The following FAM117B variants were observed in gnomAD, a reference collection of about 807,000 sequenced individuals.
The protein encoded by FAM117B is family with sequence similarity 117 member B, also known as protein FAM117B.
In FAM117B, 22 loss-of-function variants were observed where a neutral mutation model predicts 52.8. The observed-to-expected ratio is 0.42, with a 90% CI of 0.30 to 0.59. The LOEUF (loss-of-function observed/expected upper bound fraction) is 0.59, where lower values mean the gene tolerates loss of function less well. Ranked by LOEUF, FAM117B falls within the 20% of genes least tolerant of loss-of-function variation. The pLI is 0.22. For missense variants in FAM117B, 678 were observed against 802.6 expected, an observed-to-expected ratio of 0.84 and a Z score of 1.88; for synonymous variants, 309 against 324.1, an observed-to-expected ratio of 0.95 and a Z score of 0.50.
intron 1 of FAM117B, among the ~76,000 whole-genome samples, chr2:202,662,169 C>G (rs543236172): frequency 3.8e-4 from 57 of 151,436 alleles, no homozygotes; most frequent in African/African-American, 1.3e-3. Context: ...TGTACGTGTA[C>G]AGACTGGTAG....
At chr2:202,655,149 A>G (rs1204127307) in intron 1 of FAM117B, among the ~76,000 whole-genome samples, 1 of 152,104 alleles carries the variant, frequency 6.6e-6, no homozygotes, top group Non-Finnish European at 1.5e-5. Context: ...TTCTAGCTTC[A>G]TTCACTTAGC....
intron 1 of FAM117B, among the ~76,000 whole-genome samples, chr2:202,694,430 A>C (rs187895342): frequency 2.0e-5 from 3 of 151,986 alleles, no homozygotes; most frequent in Admixed American, 1.3e-4. Context: ...ACCTCAGGTG[A>C]TCCTCCTACC....
At chr2:202,648,371 A>G (rs1574540197) in intron 1 of FAM117B, among the ~76,000 whole-genome samples, 2 of 151,980 alleles carry the variant, frequency 1.3e-5, no homozygotes, top group South Asian at 2.1e-4. Context: ...AAATTAGCCG[A>G]GTATAGCGGT....
At chr2:202,727,135 G>A (rs960729870) in intron 4 of FAM117B, among the ~76,000 whole-genome samples, 1 of 152,040 alleles carries the variant, frequency 6.6e-6, no homozygotes, top group African/African-American at 2.4e-5. Context: ...GGTCTTTTCA[G>A]GATCTTTCAA....
At chr2:202,709,957 A>G (rs1326286842) in intron 2 of FAM117B, among the ~76,000 whole-genome samples, 1 of 152,132 alleles carries the variant, frequency 6.6e-6, no homozygotes, top group African/African-American at 2.4e-5. Context: ...GGATTTATTT[A>G]TGGGCTGTCT....
At chr2:202,645,166 T>C (rs572859260) in intron 1 of FAM117B, among the ~76,000 whole-genome samples, 12 of 152,162 alleles carry the variant, frequency 7.9e-5, no homozygotes, top group Admixed American at 7.2e-4. Context: ...AAATAGAGAC[T>C]GAGTCTCGCT....
chr2:202,725,255 A>G, intron 3 of FAM117B: 1 of 290,470 alleles, frequency 3.4e-6, no homozygotes, highest in East Asian at 6.1e-5. Flanking sequence ...GTCTATTAAC[A>G]TCAGATTTAA....
At chr2:202,720,934 A>G (rs957752364) in intron 2 of FAM117B, among the ~76,000 whole-genome samples, 8 of 152,190 alleles carry the variant, frequency 5.3e-5, no homozygotes, top group Non-Finnish European at 7.4e-5. Flanking sequence ...TGGAGGTTGC[A>G]TGTGCCCAAG....
intron 6 of FAM117B, 105 bp from the exon 7 acceptor site, chr2:202,759,128 G>T: frequency 8.4e-7 from 1 of 1,188,230 alleles, no homozygotes; most frequent in Non-Finnish European, 1.2e-6. Flanking sequence ...GATTAATAAA[G>T]CACTGTTCCT....
chr2:202,672,874 C>T (rs1690319440), intron 1 of FAM117B, among the ~76,000 whole-genome samples: 1 of 151,444 alleles, frequency 6.6e-6, no homozygotes, highest in Non-Finnish European at 1.5e-5. Context: ...TTTGTCTCTA[C>T]AAAAAATAAA....
At chr2:202,720,112 T>A (rs1181309357) in intron 2 of FAM117B, among the ~76,000 whole-genome samples, 6 of 152,166 alleles carry the variant, frequency 3.9e-5, no homozygotes, top group African/African-American at 1.4e-4. Context: ...TTCATTGGTT[T>A]TAGCATTTGT....
chr2:202,640,447 G>A lies in FAM117B; in HGVS notation c.601+4659G>A, dbSNP rs114462446. On this transcript the variant is annotated intron_variant, in intron 1 of 7. Transcript: ENST00000392238. ...TGGGGAGTGCCAAGGGCAGCAAAAA[G>A]TGATAACTTCTTTGGACTAATAGGC... Among the ~76,000 whole-genome samples the A allele has an allele frequency of 8.8e-3, 1,316 of 150,082 alleles. 23 individuals carry two copies. The highest frequency in any genetic ancestry group is 0.03 in the African/African-American group (1,222 of 40,712).
At chr2:202,765,362 AAG>A in intron 7 of FAM117B, 82 bp from the exon 8 acceptor site, 2 of 1,307,660 alleles carry the variant, frequency 1.5e-6, no homozygotes, top group Non-Finnish European at 2.1e-6. Context: ...TAAAAAATAA[AAG>A]AGCTTGTTTC....
chr2:202,682,622 C>G (rs1690479460), intron 1 of FAM117B, among the ~76,000 whole-genome samples: 1 of 152,154 alleles, frequency 6.6e-6, no homozygotes, highest in African/African-American at 2.4e-5. Flanking sequence ...TCAACTGCAC[C>G]TGGAACATTC....
intron 2 of FAM117B, among the ~76,000 whole-genome samples, chr2:202,697,296 G>A (rs1313999284): frequency 6.6e-6 from 1 of 152,130 alleles, no homozygotes; most frequent in Non-Finnish European, 1.5e-5. Context: ...ATTGTGTCTG[G>A]CTTGTCTATT....
chr2:202,753,505 T>C (rs1285591078), intron 4 of FAM117B, among the ~76,000 whole-genome samples: 1 of 152,012 alleles, frequency 6.6e-6, no homozygotes, highest in Non-Finnish European at 1.5e-5. Flanking sequence ...AAAGCCAAAA[T>C]TGACAAATGG....
intron 4 of FAM117B, among the ~76,000 whole-genome samples, chr2:202,728,783 T>C (rs1258356825): frequency 6.6e-6 from 1 of 152,252 alleles, no homozygotes; most frequent in Non-Finnish European, 1.5e-5. Context: ...CATTTTTTTC[T>C]TCTTGCAAGT....
At chr2:202,692,361 C>T (rs1690646507) in intron 1 of FAM117B, among the ~76,000 whole-genome samples, 1 of 152,110 alleles carries the variant, frequency 6.6e-6, no homozygotes, top group South Asian at 2.1e-4. Flanking sequence ...GACATAAAGA[C>T]ATGCAGTAGA....
Position 202,759,221 on chromosome 2 carries a change from C to G in FAM117B, c.1331-12C>G, listed in dbSNP as rs781781350. 3 of 1,613,412 alleles carry G rather than the reference C, an allele frequency of 1.9e-6. No homozygotes were observed. The Admixed American group carries it at 5.0e-5, about 27-fold the overall frequency. On this transcript the variant is annotated splice_polypyrimidine_tract_variant and intron_variant, in intron 6 of 7. Coordinates refer to ENST00000392238, the MANE Select transcript of FAM117B (RefSeq NM_173511.4). ...ACATTTATGTAGTAATCTAATGTGTCATTTCTTGCAGAGAATGGGAACAAT... is the reference window on the plus strand; with the variant it reads ...ACATTTATGTAGTAATCTAATGTGTGATTTCTTGCAGAGAATGGGAACAAT...
Sources: gnomAD v4.1 joint callset for allele counts (sites outside exome capture counted in the v4.1 genomes callset) on GRCh38, gnomAD v4.1.1 for gene constraint, MANE v1.5 for transcripts, NCBI Gene and HGNC (gene_info 2026-07-23, HGNC 2026-07-21) for gene names.